The following STAC variants were observed in gnomAD, a reference collection of about 807,000 sequenced individuals.
STAC encodes SH3 and cysteine rich domain.
Under a neutral mutation model 48.8 loss-of-function variants are expected in STAC, and 43 were observed. That is an observed-to-expected ratio of 0.88 (90% CI 0.69 to 1.14). The LOEUF (loss-of-function observed/expected upper bound fraction) is 1.14, where lower values mean the gene tolerates loss of function less well. Ranked by LOEUF, STAC falls within the 50% of genes most tolerant of loss-of-function variation. The pLI is 0.00. For synonymous variants in STAC, 193 were observed against 179.5 expected (o/e 1.07, Z -0.60); for missense variants, 497 against 504.0 (o/e 0.99, Z 0.13).
intron 1 of STAC, among the ~76,000 whole-genome samples, chr3:36,414,782 T>A (rs896290266): frequency 2.6e-5 from 4 of 152,178 alleles, no homozygotes; most frequent in Admixed American, 6.5e-5. Flanking sequence ...GTTCTGTTTT[T>A]TCCCCATCTT....
At chr3:36,467,236 T>C (rs1697202943) in intron 2 of STAC, among the ~76,000 whole-genome samples, 2 of 152,154 alleles carry the variant, frequency 1.3e-5, no homozygotes, top group South Asian at 4.1e-4. Context: ...TACTGTTGGA[T>C]CTGGTTCACT....
intron 1 of STAC, among the ~76,000 whole-genome samples, chr3:36,436,675 T>G (rs1439887038): frequency 6.6e-6 from 1 of 152,168 alleles, no homozygotes; most frequent in Non-Finnish European, 1.5e-5. Flanking sequence ...AGCCTTATTT[T>G]CCTTTGTACC....
At chr3:36,401,369 TAA>T (rs901618571) in intron 1 of STAC, among the ~76,000 whole-genome samples, 1 of 152,182 alleles carries the variant, frequency 6.6e-6, no homozygotes, top group African/African-American at 2.4e-5. Context: ...CTCATTCTTT[TAA>T]AAGTCATTAA....
intron 2 of STAC, among the ~76,000 whole-genome samples, chr3:36,470,952 A>C (rs73827508): frequency 0.031 from 4,743 of 152,300 alleles, 219 homozygotes; most frequent in African/African-American, 0.11. Flanking sequence ...GGATCAACTT[A>C]ATTGCTTATA....
At chr3:36,453,097 A>C (rs1206724903) in intron 2 of STAC, among the ~76,000 whole-genome samples, 1 of 152,264 alleles carries the variant, frequency 6.6e-6, no homozygotes, top group Admixed American at 6.5e-5. Context: ...AGTCTAGTTT[A>C]TCTCAATGAC....
At chr3:36,384,251 CTTT>C (rs1699570743) in intron 1 of STAC, among the ~76,000 whole-genome samples, 1 of 152,100 alleles carries the variant, frequency 6.6e-6, no homozygotes, top group African/African-American at 2.4e-5. Context: ...CTATAAATCT[CTTT>C]GTCATCACTT....
intron 1 of STAC, among the ~76,000 whole-genome samples, chr3:36,398,363 G>GAAAGAAAGAAAGAAAAAGA (rs1553631483): frequency 8.0e-6 from 1 of 124,884 alleles, no homozygotes; most frequent in Non-Finnish European, 1.7e-5. Context: ...AAGAAAGAAA[G>GAAAGAAAGAAAGAAAAAGA]AAAGAAAAGA....
intron 2 of STAC, among the ~76,000 whole-genome samples, chr3:36,452,574 C>T (rs1202854964): frequency 1.3e-5 from 2 of 152,144 alleles, no homozygotes; most frequent in African/African-American, 2.4e-5. Flanking sequence ...AGTGTTCAAC[C>T]AGCAAGAAAT....
chr3:36,543,273 A>G (rs1337765768), intron 10 of STAC, among the ~76,000 whole-genome samples: 1 of 152,202 alleles, frequency 6.6e-6, no homozygotes, highest in East Asian at 1.9e-4. Flanking sequence ...GTTTCCTAAA[A>G]TGGTAGATTC....
intron 7 of STAC, among the ~76,000 whole-genome samples, chr3:36,505,393 T>G (rs1256270935): frequency 1.3e-5 from 2 of 152,146 alleles, no homozygotes; most frequent in Non-Finnish European, 2.9e-5. Flanking sequence ...ACACTACTAT[T>G]CATGTGTCCC....
chr3:36,506,103 T>C (rs1360060259), intron 8 of STAC: 1 of 267,252 alleles, frequency 3.7e-6, no homozygotes, highest in East Asian at 7.1e-5. Flanking sequence ...GAACACACTT[T>C]GGGAAGCACC....
chr3:36,501,576 T>C (rs1416324560), intron 6 of STAC, among the ~76,000 whole-genome samples: 1 of 152,176 alleles, frequency 6.6e-6, no homozygotes, highest in Admixed American at 6.5e-5. Context: ...TATCAACGAT[T>C]AAAGCCTGAC....
intron 2 of STAC, among the ~76,000 whole-genome samples, chr3:36,455,639 T>G (rs1696831667): frequency 6.6e-6 from 1 of 152,192 alleles, no homozygotes; most frequent in African/African-American, 2.4e-5. Flanking sequence ...TGACCTACTT[T>G]AGAATGGTCC....
At chr3:36,543,619 G>A (rs964590524) in intron 10 of STAC, among the ~76,000 whole-genome samples, 3 of 152,124 alleles carry the variant, frequency 2.0e-5, no homozygotes, top group African/African-American at 7.2e-5. Context: ...AAAAGCAAAG[G>A]TCTATCTTAT....
At chr3:36,416,025 C>A (rs1168852760) in intron 1 of STAC, among the ~76,000 whole-genome samples, 1 of 152,160 alleles carries the variant, frequency 6.6e-6, no homozygotes, top group Non-Finnish European at 1.5e-5. Context: ...GGCTATTACT[C>A]TCTTTGCTCC....
At chr3:36,435,079 C>T (rs12492356) in intron 1 of STAC, among the ~76,000 whole-genome samples, 1 of 152,110 alleles carries the variant, frequency 6.6e-6, no homozygotes, top group African/African-American at 2.4e-5. Context: ...GGCAAGTTGC[C>T]ATTTTTCTGT....
chr3:36,409,001 T>C (rs948673581), intron 1 of STAC, among the ~76,000 whole-genome samples: 1 of 152,102 alleles, frequency 6.6e-6, no homozygotes, highest in African/African-American at 2.4e-5. Context: ...TCACATAATA[T>C]AGTGGGAAAC....
At chr3:36,435,651 G>A (rs556854077) in intron 1 of STAC, among the ~76,000 whole-genome samples, 11 of 152,002 alleles carry the variant, frequency 7.2e-5, no homozygotes, top group South Asian at 4.2e-4. Context: ...TCTTCCAGCC[G>A]TCCTCTCCTG....
chr3:36,534,635 C>A (rs1699155101), intron 10 of STAC, among the ~76,000 whole-genome samples: 1 of 151,764 alleles, frequency 6.6e-6, no homozygotes, highest in South Asian at 2.1e-4. Context: ...TTGTTATGAA[C>A]ACAATGAGAG....
Sources: gnomAD v4.1 joint callset for allele counts (sites outside exome capture counted in the v4.1 genomes callset) on GRCh38, gnomAD v4.1.1 for gene constraint, MANE v1.5 for transcripts, NCBI Gene and HGNC (gene_info 2026-07-23, HGNC 2026-07-21) for gene names.